The following DIS3L2 variants were observed in gnomAD, a reference collection of about 807,000 sequenced individuals.
DIS3L2 encodes DIS3-like exonuclease 2.
Under a neutral mutation model 97.5 loss-of-function variants are expected in DIS3L2, and 34 were observed. The observed-to-expected ratio is 0.35, with a 90% CI of 0.27 to 0.46. The LOEUF (loss-of-function observed/expected upper bound fraction) is 0.46, where lower values mean the gene tolerates loss of function less well. DIS3L2 is among the 20% of genes least tolerant of loss of function. The pLI is 1.00. For missense variants in DIS3L2, 1,038 were observed against 1,146.0 expected (o/e 0.91, Z 1.36); for synonymous variants, 435 against 445.2 (o/e 0.98, Z 0.29).
chr2:232,110,361 A>T (rs768544234), intron 6 of DIS3L2, among the ~76,000 whole-genome samples: 5 of 152,224 alleles, frequency 3.3e-5, no homozygotes, highest in Admixed American at 2.0e-4. Flanking sequence ...CCAAAGGAAT[A>T]TAAATCATTC....
At chr2:232,216,087 C>A (rs995310027) in intron 10 of DIS3L2, among the ~76,000 whole-genome samples, 1 of 152,258 alleles carries the variant, frequency 6.6e-6, no homozygotes, top group African/African-American at 2.4e-5. Flanking sequence ...CTAGAACTTT[C>A]ACTTGTGTCT....
chr2:232,333,756 G>GAAAGTCCGC, intron 16 of DIS3L2, 84 bp from the exon 17 acceptor site: 16 of 1,487,172 alleles, frequency 1.1e-5, no homozygotes, highest in Admixed American at 9.1e-5. Flanking sequence ...CGCTGCCGAC[G>GAAAGTCCGC]GTGAGGCTGT....
chr2:232,050,471 G>T (rs145055615), intron 5 of DIS3L2, among the ~76,000 whole-genome samples: 1,570 of 150,820 alleles, frequency 0.01, 32 homozygotes, highest in African/African-American at 0.036. Flanking sequence ...AGTAGACAGG[G>T]TTTCATCATG....
intron 6 of DIS3L2, among the ~76,000 whole-genome samples, chr2:232,097,916 G>C (rs1024928660): frequency 6.6e-6 from 1 of 152,196 alleles, no homozygotes; most frequent in South Asian, 2.1e-4. Flanking sequence ...CATGCTACTT[G>C]AGTATCACGG....
intron 16 of DIS3L2, 87 bp from the exon 17 acceptor site, chr2:232,333,753 G>A (rs1477172042): frequency 4.7e-6 from 7 of 1,486,420 alleles, no homozygotes; most frequent in Admixed American, 2.3e-5. Context: ...CATCGCTGCC[G>A]ACGGTGAGGC....
intron 1 of DIS3L2, among the ~76,000 whole-genome samples, chr2:231,996,536 A>G (rs1693736053): frequency 6.6e-6 from 1 of 152,230 alleles, no homozygotes; most frequent in African/African-American, 2.4e-5. Flanking sequence ...TTTAAAAATT[A>G]TGAAACAATT....
rs1286770922 is a variant in DIS3L2, at chr2:232,268,157, T to C, written c.1659+4717T>C. Among the ~76,000 whole-genome samples the C allele has an allele frequency of 6.6e-6, 1 of 152,162 alleles. No individual in the cohort carries two copies. The highest frequency in any genetic ancestry group is 1.5e-5 in the Non-Finnish European group (1 of 68,018). On this transcript the variant is annotated intron_variant, in intron 13 of 20. Coordinates refer to ENST00000325385, the MANE Select transcript of DIS3L2 (RefSeq NM_152383.5). The surrounding 1 kb of genome is among the most constrained non-coding windows in gnomAD (Gnocchi z 4.1). Reference sequence around the variant, plus strand: ...GCAGTTCCTTCTGGGTCACTGACTTTGGGAATTCAGAGGAAGTTGAAGTAG... The same window carrying C: ...GCAGTTCCTTCTGGGTCACTGACTTCGGGAATTCAGAGGAAGTTGAAGTAG...
chr2:232,017,630 T>A (rs2106224521), intron 3 of DIS3L2, among the ~76,000 whole-genome samples: 1 of 152,280 alleles, frequency 6.6e-6, no homozygotes, highest in African/African-American at 2.4e-5. Context: ...TGCACTCTCC[T>A]CCAGGAACAC....
chr2:232,202,051 T>C (rs939010392), intron 9 of DIS3L2, among the ~76,000 whole-genome samples: 2 of 152,194 alleles, frequency 1.3e-5, no homozygotes, highest in Non-Finnish European at 1.5e-5. Flanking sequence ...GATCTCTGGC[T>C]CCCACAGTCC....
At chr2:232,026,417 C>T (rs1471554960) in intron 4 of DIS3L2, among the ~76,000 whole-genome samples, 1 of 152,118 alleles carries the variant, frequency 6.6e-6, no homozygotes, top group Non-Finnish European at 1.5e-5. Flanking sequence ...TCCCTGTCCC[C>T]TTGTGATTCC....
At chr2:232,174,886 G>A (rs890235706) in intron 9 of DIS3L2, among the ~76,000 whole-genome samples, 2 of 151,884 alleles carry the variant, frequency 1.3e-5, no homozygotes, top group Non-Finnish European at 2.9e-5. Flanking sequence ...CTGTTGCCAG[G>A]CTGGAGTGCA....
intron 6 of DIS3L2, among the ~76,000 whole-genome samples, chr2:232,098,083 G>T (rs1697079982): frequency 1.3e-5 from 2 of 152,096 alleles, no homozygotes; most frequent in African/African-American, 4.8e-5. Flanking sequence ...TTTAGTCTGG[G>T]TGAACAATGT....
At chr2:232,303,400 G>A (rs1694911869) in intron 14 of DIS3L2, among the ~76,000 whole-genome samples, 1 of 152,202 alleles carries the variant, frequency 6.6e-6, no homozygotes, top group South Asian at 2.1e-4. Flanking sequence ...AGGGGCCCAT[G>A]TTGTCTCAGG....
intron 9 of DIS3L2, among the ~76,000 whole-genome samples, chr2:232,187,294 T>C (rs1373754530): frequency 1.3e-5 from 2 of 152,118 alleles, no homozygotes; most frequent in Non-Finnish European, 2.9e-5. Flanking sequence ...GGAACCCTCT[T>C]ATACTGCTGG....
chr2:232,036,646 T>A (rs535232335), intron 5 of DIS3L2, among the ~76,000 whole-genome samples: 1 of 152,228 alleles, frequency 6.6e-6, no homozygotes, highest in African/African-American at 2.4e-5. Context: ...TTTTTCCTCA[T>A]CTTTGTGGAT....
chr2:232,288,722 C>CT lies in DIS3L2; in HGVS notation c.1660-11310dup, dbSNP rs199542975. On this transcript the variant is annotated intron_variant, in intron 13 of 20. Coordinates refer to ENST00000325385, the MANE Select transcript of DIS3L2 (RefSeq NM_152383.5). ...GTATTGTATGGGAATGTCCCGTTTT[C>CT]TTTTTTTTCCATGAACTGAATGCCT... 1.3e-3 allele frequency among the ~76,000 whole-genome samples: 196 copies of CT among 152,196 alleles called. 1 individual carries two copies. The highest frequency in any genetic ancestry group is 7.5e-3 in the Admixed American group (115 of 15,290).
At chr2:232,165,227 T>A (rs566623835) in intron 9 of DIS3L2, among the ~76,000 whole-genome samples, 3 of 152,250 alleles carry the variant, frequency 2.0e-5, no homozygotes, top group Non-Finnish European at 4.4e-5. Flanking sequence ...AAAAAGGAGC[T>A]ATATCCATGT....
At chr2:232,332,699 G>A (rs1216891292) in intron 16 of DIS3L2, among the ~76,000 whole-genome samples, 10 of 152,164 alleles carry the variant, frequency 6.6e-5, no homozygotes, top group African/African-American at 2.4e-4. Flanking sequence ...CTGTGTCTCA[G>A]CCCCCGGGAG....
intron 5 of DIS3L2, among the ~76,000 whole-genome samples, chr2:232,054,866 A>G (rs905126730): frequency 1.3e-5 from 2 of 152,204 alleles, no homozygotes; most frequent in Non-Finnish European, 2.9e-5. Context: ...ATAAAATAAT[A>G]GAAAATTGAA....
Sources: allele counts gnomAD v4.1 joint callset (sites outside exome capture counted in the v4.1 genomes callset), GRCh38; gene constraint gnomAD v4.1.1; non-coding constraint Gnocchi (gnomAD v3.1); transcripts MANE v1.5; gene names NCBI Gene and HGNC (gene_info 2026-07-23, HGNC 2026-07-21).